Variants in DNAAF1 observed in about 807,000 individuals in gnomAD.
The protein encoded by DNAAF1 is dynein axonemal assembly factor 1, also known as dynein assembly factor 1, axonemal.
DNAAF1 carries 65 observed loss-of-function variants against 71.1 expected under a neutral mutation model. The observed-to-expected ratio is 0.91, with a 90% confidence interval of 0.75 to 1.12. DNAAF1 has a LOEUF of 1.12. Among genes scored for constraint, DNAAF1 ranks in the 50% most tolerant of loss-of-function variants. The pLI is 0.00. For missense variants in DNAAF1, 1,178 were observed against 899.8 expected, an observed-to-expected ratio of 1.31 and a Z score of -3.96; for synonymous variants, 414 against 354.6, an observed-to-expected ratio of 1.17 and a Z score of -1.88.
chr16:84,169,361 C>T (rs1291199201), intron 7 of DNAAF1, among the ~76,000 whole-genome samples: 1 of 151,976 alleles, frequency 6.6e-6, no homozygotes, highest in Non-Finnish European at 1.5e-5. Context: ...GCTGGGATTA[C>T]AAGCATGAGC....
chr16:84,159,456 T>C (rs1383371615), intron 5 of DNAAF1, among the ~76,000 whole-genome samples: 1 of 152,222 alleles, frequency 6.6e-6, no homozygotes, highest in Non-Finnish European at 1.5e-5. Context: ...CTGAAGTTCA[T>C]GTGGAAGAAA....
intron 6 of DNAAF1, among the ~76,000 whole-genome samples, chr16:84,160,262 C>G (rs1042994223): frequency 1.3e-5 from 2 of 152,144 alleles, no homozygotes; most frequent in Non-Finnish European, 2.9e-5. Context: ...TGAAGTTGGG[C>G]ATTTTCTTCA....
intron 11 of DNAAF1, chr16:84,177,478 G>A: frequency 2.4e-6 from 1 of 419,322 alleles, no homozygotes; most frequent in Non-Finnish European, 4.5e-6. Flanking sequence ...ATAGGGGCCT[G>A]CCACCACGCC....
intron 6 of DNAAF1, among the ~76,000 whole-genome samples, chr16:84,160,731 G>A (rs1490318292): frequency 2.0e-5 from 3 of 151,974 alleles, no homozygotes; most frequent in East Asian, 1.9e-4. Flanking sequence ...TCAGGAGATC[G>A]AGACCACCCT....
chr16:84,168,009 C>A (rs1175485328), intron 7 of DNAAF1, among the ~76,000 whole-genome samples: 1 of 151,404 alleles, frequency 6.6e-6, no homozygotes, highest in Non-Finnish European at 1.5e-5. Flanking sequence ...AAGAGCGAAA[C>A]TCCATCTCAA....
In DNAAF1 at chr16:84,175,947, G is replaced by T; in HGVS notation, c.1713G>T (p.Pro571=). The part of the protein sequence containing the change: ...KSLEDQNMCF[P]KIEVISSLSD... ...TCTGTAAATAGAATATGTGCTTTCC[G>T]AAGATTGAGGTCATCTCGAGCTTGA... The change falls in exon 11 of 12, where the codon CCG becomes CCT. Residue 571 remains proline (P), a synonymous_variant. Transcript: ENST00000378553. The T allele has an allele frequency of 6.2e-7, 1 of 1,614,126 alleles. No individual in the cohort carries two copies. The highest frequency in any genetic ancestry group is 8.5e-7 in the Non-Finnish European group (1 of 1,180,022).
At chr16:84,146,254 T>A (rs373987181) in intron 1 of DNAAF1, among the ~76,000 whole-genome samples, 8 of 152,274 alleles carry the variant, frequency 5.3e-5, no homozygotes, top group African/African-American at 1.9e-4. Flanking sequence ...CTATGTAAGA[T>A]CAAAGGCTTT....
chr16:84,167,624 C>G (rs374733459), intron 7 of DNAAF1, among the ~76,000 whole-genome samples: 1 of 152,198 alleles, frequency 6.6e-6, no homozygotes, highest in Non-Finnish European at 1.5e-5. Context: ...CCTAGCACCC[C>G]TATGTACAGG....
intron 6 of DNAAF1, among the ~76,000 whole-genome samples, chr16:84,160,212 C>G (rs938770689): frequency 6.6e-6 from 1 of 152,176 alleles, no homozygotes; most frequent in African/African-American, 2.4e-5. Context: ...GGGTGAAGAT[C>G]GTACCCCATT....
chr16:84,172,398 G>A lies in DNAAF1; in HGVS notation c.1644+23G>A, dbSNP rs779246495. The A allele has an allele frequency of 2.5e-6, 4 of 1,612,698 alleles. No individual in the cohort carries two copies. In the East Asian group the frequency reaches 6.7e-5, roughly 27 times the overall value. On this transcript the variant is annotated intron_variant, in intron 9 of 11. Coordinates refer to ENST00000378553, the MANE Select transcript of DNAAF1 (RefSeq NM_178452.6). ...GATGTACATGAAGTATTTAATCTTG[G>A]AGATAAGTATCAGTTTTACTGTTAG...
At position 84,174,714 on chromosome 16, in the gene DNAAF1, G is replaced by C. The variant is rs749025746; in HGVS notation, c.1690G>C (p.Glu564Gln). ...EDDDETGKSL[E>Q]DQNMCFPKIE... The stretch of plus-strand genomic sequence containing the variant: ...TGATGATGAAACAGGCAAATCTCTG[G>C]AAGACCAGGTTAAGGTCATTAGAAA... Residue 564 changes from glutamate (E) to glutamine (Q), a missense_variant, in exon 10 of 12, where the codon GAA becomes CAA. Physicochemically the swap from Glu to Gln is conservative, Grantham distance 29 (BLOSUM62 2). Coordinates refer to ENST00000378553, the MANE Select transcript of DNAAF1 (RefSeq NM_178452.6). 4 of 1,614,028 alleles carry C rather than the reference G, an allele frequency of 2.5e-6. No homozygotes were observed. Among genetic ancestry groups the C allele is most frequent in the Middle Eastern group, 1.6e-4 (1 of 6,084 alleles).
intron 10 of DNAAF1, among the ~76,000 whole-genome samples, chr16:84,175,064 C>T (rs1386932889): frequency 6.6e-6 from 1 of 152,184 alleles, no homozygotes; most frequent in African/African-American, 2.4e-5. Flanking sequence ...CCATGTTGGC[C>T]AGGCTGGTCT....
chr16:84,166,579 C>T (rs921398559), intron 7 of DNAAF1, among the ~76,000 whole-genome samples: 4 of 150,958 alleles, frequency 2.6e-5, no homozygotes, highest in African/African-American at 4.9e-5. Context: ...TACTATGTTG[C>T]CCACGCTGGT....
chr16:84,145,471 G>C lies in DNAAF1; in HGVS notation c.31G>C (p.Gly11Arg). The C allele has an allele frequency of 1.3e-6, 2 of 1,578,322 alleles. No homozygotes were observed. The highest frequency in any genetic ancestry group is 1.2e-5 in the South Asian group (1 of 85,962). Residue 11 changes from glycine to arginine, a missense_variant, in exon 1 of 12, where the codon GGT becomes CGT. By Grantham distance (125) the Gly-to-Arg change is moderately radical. Coordinates refer to ENST00000378553, the MANE Select transcript of DNAAF1 (RefSeq NM_178452.6). MHPEPSEPAT[G>R]GAAELDCAQE... ...CCCTGAGCCCTCGGAGCCTGCGACA[G>C]GTGGTGCAGCAGAGCTGGATTGCGC...
intron 7 of DNAAF1, 147 bp downstream of exon 7, chr16:84,166,096 A>G (rs2087972807): frequency 1.8e-6 from 2 of 1,131,918 alleles, no homozygotes; most frequent in Admixed American, 2.2e-5. Flanking sequence ...CTGAGGTTGC[A>G]AAGTTGGAGT....
At chr16:84,151,827 G>C (rs1437462356) in intron 3 of DNAAF1, among the ~76,000 whole-genome samples, 1 of 152,216 alleles carries the variant, frequency 6.6e-6, no homozygotes, top group African/African-American at 2.4e-5. Flanking sequence ...CTGTCAGCCA[G>C]AGGCCTTAAT....
intron 1 of DNAAF1, among the ~76,000 whole-genome samples, chr16:84,146,326 T>A (rs1037127221): frequency 1.2e-4 from 18 of 152,310 alleles, no homozygotes; most frequent in African/African-American, 4.3e-4. Context: ...TGGAGTCTAG[T>A]CCAGTGCCTG....
intron 4 of DNAAF1, among the ~76,000 whole-genome samples, chr16:84,155,256 T>C (rs1216132511): frequency 6.6e-6 from 1 of 151,966 alleles, no homozygotes; most frequent in Non-Finnish European, 1.5e-5. Context: ...TGAGATGGGG[T>C]CTTGCTCTGT....
chr16:84,175,962 C>T lies in DNAAF1; in HGVS notation c.1728C>T (p.Ile576=), dbSNP rs886052371. The change falls in exon 11 of 12, where the codon ATC becomes ATT. Residue 576 remains isoleucine, a synonymous_variant. Coordinates refer to ENST00000378553, the MANE Select transcript of DNAAF1 (RefSeq NM_178452.6). The stretch of plus-strand genomic sequence containing the variant: ...TGTGCTTTCCGAAGATTGAGGTCAT[C>T]TCGAGCTTGAGTGATGACAGTGACC... ...QNMCFPKIEV[I]SSLSDDSDPE... is the part of the protein sequence containing the mutation. The T allele has an allele frequency of 6.8e-6, 11 of 1,614,202 alleles. No individual in the cohort carries two copies. The highest frequency in any genetic ancestry group is 8.5e-6 in the Non-Finnish European group (10 of 1,180,040).
Sources: allele counts gnomAD v4.1 joint callset (sites outside exome capture counted in the v4.1 genomes callset), GRCh38; gene constraint gnomAD v4.1.1; transcripts MANE v1.5; gene names NCBI Gene and HGNC (gene_info 2026-07-23, HGNC 2026-07-21).